Variants in APAF1 observed in about 807,000 individuals in gnomAD.
APAF1 encodes apoptotic protease-activating factor 1.
In APAF1, 91 loss-of-function variants were observed where a neutral mutation model predicts 152.4. The observed-to-expected ratio is 0.60, with a 90% CI of 0.50 to 0.71. APAF1 has a LOEUF of 0.71. Ranked by LOEUF, APAF1 falls within the 30% of genes least tolerant of loss-of-function variation. APAF1 has a pLI of 0.00. For missense variants in APAF1, 1,283 were observed against 1,472.0 expected, an observed-to-expected ratio of 0.87 and a Z score of 2.10; for synonymous variants, 484 against 494.1, an observed-to-expected ratio of 0.98 and a Z score of 0.27.
At position 98,648,457 on chromosome 12, in the gene APAF1, G is replaced by C. The variant is rs778908657; in HGVS notation, c.98G>C (p.Gly33Ala). 1.9e-6 allele frequency: 3 copies of C among 1,613,820 alleles called. No homozygotes were observed. The African/African-American group carries it at 4.0e-5, about 22-fold the overall frequency. ...ATCATGGATCACATGATTAGTGATG[G>C]ATTTTTAACAATATCAGAAGAGGAA... ...SYIMDHMISD[G>A]FLTISEEEKV... Residue 33 changes from glycine to alanine, a missense_variant, in exon 2 of 27, where the codon GGA becomes GCA. By Grantham distance (60) the Gly-to-Ala change is moderately conservative (BLOSUM62 0). Coordinates refer to ENST00000551964, the MANE Select transcript of APAF1 (RefSeq NM_181861.2).
intron 22 of APAF1, among the ~76,000 whole-genome samples, chr12:98,718,135 G>T (rs1269967872): frequency 6.6e-6 from 1 of 152,116 alleles, no homozygotes; most frequent in Non-Finnish European, 1.5e-5. Flanking sequence ...TAAATTCAGA[G>T]ATTCTTCTTT....
intron 22 of APAF1, among the ~76,000 whole-genome samples, chr12:98,720,528 C>T (rs2097740957): frequency 6.6e-6 from 1 of 152,192 alleles, no homozygotes; most frequent in Non-Finnish European, 1.5e-5. Context: ...GAAGAATCAG[C>T]TCACCTGATT....
At chr12:98,680,706 G>A (rs180824203) in intron 14 of APAF1, among the ~76,000 whole-genome samples, 1 of 152,300 alleles carries the variant, frequency 6.6e-6, no homozygotes, top group Admixed American at 6.5e-5. Flanking sequence ...ATGAGCCACT[G>A]TGCGTGGCCT....
At chr12:98,656,429 C>T (rs1289686836) in intron 4 of APAF1, among the ~76,000 whole-genome samples, 2 of 152,192 alleles carry the variant, frequency 1.3e-5, no homozygotes, top group African/African-American at 4.8e-5. Flanking sequence ...AGCAGTAGGG[C>T]TTGTCTACCT....
At chr12:98,715,318 G>T (rs2097733497) in intron 21 of APAF1, 109 bp from the exon 22 acceptor site, 1 of 796,912 alleles carries the variant, frequency 1.3e-6, no homozygotes, top group South Asian at 1.6e-5. Flanking sequence ...GGAAGCACCA[G>T]ATGGAAATTC....
At chr12:98,691,075 C>T (rs912197652) in intron 16 of APAF1, among the ~76,000 whole-genome samples, 4 of 152,098 alleles carry the variant, frequency 2.6e-5, no homozygotes, top group Admixed American at 1.3e-4. Context: ...GGCGTGGTGG[C>T]GCATGCCTGT....
rs189264233 is a variant in APAF1, at chr12:98,727,810, A to G, written c.3600+494A>G. ...ACAAAAAATAGCCGGGCGTGGTGGC[A>G]TATGCCTGTAATCCCAGCTACTTGG... On this transcript the variant is annotated intron_variant, in intron 26 of 26. Transcript: ENST00000551964. Among the ~76,000 whole-genome samples, 1,487 of 151,844 alleles carry G rather than the reference A, an allele frequency of 9.8e-3. 10 individuals carry two copies. Among genetic ancestry groups the G allele is most frequent in the Non-Finnish European group, 0.017 (1,146 of 67,844 alleles).
chr12:98,692,440 G>T (rs184823032), intron 16 of APAF1, among the ~76,000 whole-genome samples: 229 of 152,306 alleles, frequency 1.5e-3, no homozygotes, highest in African/African-American at 5.1e-3. Flanking sequence ...AGGGGTACAT[G>T]TGCAGGTTTG....
rs1256664016 is a variant in APAF1 at position 98,732,592 on chromosome 12, A to G, written c.*26A>G. The G allele has an allele frequency of 1.7e-5, 25 of 1,488,774 alleles. No homozygotes were observed. The highest frequency in any genetic ancestry group is 2.8e-5 in the African/African-American group (2 of 70,914). 92.2% of individuals were successfully genotyped at this position (1,488,774 alleles called of 1,614,324 possible). A position where few individuals can be genotyped will look rare whatever the true frequency, so the allele number is the denominator to read the frequency against. ...AATAGTTAAGCATTAATGTAGTTGAACTTTTTAAATTTTTGAATTGGAAAA... is the reference window on the plus strand; with the variant it reads ...AATAGTTAAGCATTAATGTAGTTGAGCTTTTTAAATTTTTGAATTGGAAAA... On this transcript the variant is annotated 3_prime_UTR_variant, in exon 27 of 27. Transcript: ENST00000551964.
intron 22 of APAF1, among the ~76,000 whole-genome samples, chr12:98,722,234 A>G (rs1456776523): frequency 6.6e-6 from 1 of 152,176 alleles, no homozygotes; most frequent in Non-Finnish European, 1.5e-5. Flanking sequence ...TGAATGTGCT[A>G]TCTCCAAATT....
At chr12:98,729,229 T>C (rs1328422748) in intron 26 of APAF1, among the ~76,000 whole-genome samples, 1 of 152,228 alleles carries the variant, frequency 6.6e-6, no homozygotes, top group African/African-American at 2.4e-5. Flanking sequence ...AAGATGATAC[T>C]CTATATCAGC....
intron 16 of APAF1, among the ~76,000 whole-genome samples, chr12:98,689,427 T>G (rs2097701601): frequency 7.3e-6 from 1 of 136,574 alleles, no homozygotes; most frequent in Non-Finnish European, 1.6e-5. Flanking sequence ...AAGCCTTTTG[T>G]GTGAGGGTGA....
At chr12:98,732,330 G>C (rs1049280542) in intron 26 of APAF1, 90 bp from the exon 27 acceptor site, 2 of 1,160,608 alleles carry the variant, frequency 1.7e-6, no homozygotes, top group Non-Finnish European at 2.6e-6. Context: ...CGGTTGGGGG[G>C]AGGAGATAGG....
chr12:98,689,072 C>T (rs2097701230), intron 16 of APAF1, among the ~76,000 whole-genome samples: 1 of 152,074 alleles, frequency 6.6e-6, no homozygotes, highest in Admixed American at 6.5e-5. Context: ...GCCTTGGCCT[C>T]CTGAAGTGCT....
Position 98,683,258 on chromosome 12 carries a change from G to T in APAF1, c.2162G>T (p.Ser721Ile). The T allele has an allele frequency of 4.3e-6, 7 of 1,613,968 alleles. No homozygotes were observed. The highest frequency in any genetic ancestry group is 5.1e-6 in the Non-Finnish European group (6 of 1,179,988). ...SHHLLLATGS[S>I]DCFLKLWDLN... is the part of the protein sequence containing the mutation. Reference sequence around the variant, plus strand: ...CATCTTCTCTTAGCCACTGGGTCAAGTGACTGCTTCCTCAAAGTAAGTGTG... The same window carrying T: ...CATCTTCTCTTAGCCACTGGGTCAATTGACTGCTTCCTCAAAGTAAGTGTG... The change falls in exon 15 of 27, where the codon AGT becomes ATT. Residue 721 changes from serine (S) to isoleucine (I), a missense_variant. Coordinates refer to ENST00000551964, the MANE Select transcript of APAF1 (RefSeq NM_181861.2).
intron 4 of APAF1, 76 bp downstream of exon 4, chr12:98,649,760 A>C (rs2097646584): frequency 3.9e-6 from 5 of 1,289,866 alleles, no homozygotes; most frequent in Non-Finnish European, 4.4e-6. Context: ...TCAATACGTG[A>C]TAAATTGAAT....
chr12:98,677,545 C>G lies in APAF1; in HGVS notation c.1914C>G (p.Thr638=), dbSNP rs1446952568. ...QRIASCGADK[T]LQVFKAETGE... ...TAGCTTCTTGTGGAGCTGATAAAAC[C>G]TTACAGGTAAAACACATCTCTTGAG... The change falls in exon 13 of 27, where the codon ACC becomes ACG. Residue 638 remains threonine (T), a synonymous_variant. Transcript: ENST00000551964. 6.2e-7 allele frequency: 1 copy of G among 1,614,144 alleles called. No homozygotes were observed. Among genetic ancestry groups the G allele is most frequent in the East Asian group, 2.2e-5 (1 of 44,872 alleles).
At position 98,645,769 on chromosome 12, in the gene APAF1, C is replaced by T. The variant is rs566429449; in HGVS notation, c.-108C>T. 2 of 152,554 alleles carry T rather than the reference C, an allele frequency of 1.3e-5. No individual in the cohort carries two copies. Among genetic ancestry groups the T allele is most frequent in the East Asian group, 3.9e-4 (2 of 5,192 alleles). The allele number at this position is 152,554 out of a possible 1,614,324, so 9.5% of individuals were successfully genotyped here. ...CCTGTTGCCGTTTCCCTCCACCGGC[C>T]TGGAGTCTCCCAGTCTTGTCCCGGC... is the stretch of plus-strand genomic sequence containing the variant. On this transcript the variant is annotated 5_prime_UTR_variant, in exon 1 of 27. Coordinates refer to ENST00000551964, the MANE Select transcript of APAF1 (RefSeq NM_181861.2).
intron 10 of APAF1, 117 bp downstream of exon 10, chr12:98,667,761 T>C: frequency 1.2e-6 from 1 of 847,698 alleles, no homozygotes. Flanking sequence ...TTGCTTTCCA[T>C]TTGATTTTTT....
Sources: gnomAD v4.1 joint callset for allele counts (sites outside exome capture counted in the v4.1 genomes callset) on GRCh38, gnomAD v4.1.1 for gene constraint, MANE v1.5 for transcripts, NCBI Gene and HGNC (gene_info 2026-07-23, HGNC 2026-07-21) for gene names.